CACNA2D4: variants seen among roughly 807,000 people sequenced by gnomAD.
CACNA2D4 encodes the protein calcium voltage-gated channel auxiliary subunit alpha2delta 4.
A neutral mutation model predicts 163.8 loss-of-function variants in CACNA2D4; 157 were observed. The ratio of observed to expected loss-of-function variants is 0.96; its 90% confidence interval spans 0.84 to 1.09. The LOEUF (loss-of-function observed/expected upper bound fraction) is 1.09, where lower values mean the gene tolerates loss of function less well. CACNA2D4 is among the 50% of genes least tolerant of loss of function. The probability of loss-of-function intolerance (pLI) is 0.00; values close to 1 mark genes in which losing one functional copy is unlikely to be tolerated. For synonymous variants in CACNA2D4, 598 were observed against 586.9 expected, an observed-to-expected ratio of 1.02 and a Z score of -0.27; for missense variants, 1,410 against 1,479.9, an observed-to-expected ratio of 0.95 and a Z score of 0.78.
chr12:1,853,548 C>T (rs959006952), intron 23 of CACNA2D4, among the ~76,000 whole-genome samples: 1 of 152,148 alleles, frequency 6.6e-6, no homozygotes, highest in Non-Finnish European at 1.5e-5. Flanking sequence ...CTCACACTCA[C>T]ATGCCACTCA....
intron 5 of CACNA2D4, 130 bp from the exon 6 acceptor site, chr12:1,907,701 G>A: frequency 1.7e-6 from 2 of 1,179,958 alleles, no homozygotes; most frequent in Non-Finnish European, 2.4e-6. Context: ...GGTGTGCCTG[G>A]TGGGCGTGTC....
At chr12:1,795,636 C>T (rs1241121470) in intron 36 of CACNA2D4, 32 bp downstream of exon 36, 6 of 1,450,224 alleles carry the variant, frequency 4.1e-6, no homozygotes, top group Non-Finnish European at 5.8e-6. Flanking sequence ...CCCCCGCCCC[C>T]ACCGCACACA....
In CACNA2D4 at chr12:1,828,039, C is replaced by T. The variant is rs567127134; in HGVS notation, c.2551+12700G>A. 1.9e-4 allele frequency: 204 copies of T among 1,056,408 alleles called. No homozygotes were observed. The highest frequency in any genetic ancestry group is 9.6e-4 in the East Asian group (32 of 33,446). 65.4% of individuals were successfully genotyped at this position (1,056,408 alleles called of 1,614,324 possible). A position where few individuals can be genotyped will look rare whatever the true frequency, so the allele number is the denominator to read the frequency against. On this transcript the variant is annotated intron_variant, in intron 26 of 37. Coordinates refer to ENST00000382722, the MANE Select transcript of CACNA2D4 (RefSeq NM_172364.5). The surrounding 1 kb of genome is among the most constrained non-coding windows in gnomAD (Gnocchi z 4.2). ...AACCCCTGGGCTGGAACGGGGCTCC[C>T]GCGCCTGCCTGTGCTCAGTGCTCCT... is the stretch of plus-strand genomic sequence containing the variant.
At chr12:1,907,308 T>G in intron 6 of CACNA2D4, 132 bp downstream of exon 6, 1 of 746,586 alleles carries the variant, frequency 1.3e-6, no homozygotes, top group Non-Finnish European at 2.2e-6. Context: ...AGTGTGGGCT[T>G]GGAGATGCTT....
intron 4 of CACNA2D4, among the ~76,000 whole-genome samples, chr12:1,909,347 A>T (rs1350861733): frequency 3.3e-5 from 5 of 152,014 alleles, no homozygotes; most frequent in Non-Finnish European, 5.9e-5. Flanking sequence ...GCCTGCCACT[A>T]CGCCCGGCTA....
Position 1,800,063 on chromosome 12 carries a change from C to T in CACNA2D4, c.2922-11G>A, listed in dbSNP as rs770082552. The stretch of plus-strand genomic sequence containing the variant: ...CACTCCAGCAGGAACCTGTCAGACA[C>T]AGGACTGAATCTCGGAGACCTCTGA... On this transcript the variant is annotated splice_polypyrimidine_tract_variant and intron_variant, in intron 32 of 37. Coordinates refer to ENST00000382722, the MANE Select transcript of CACNA2D4 (RefSeq NM_172364.5). 7 of 1,595,878 alleles carry T rather than the reference C, an allele frequency of 4.4e-6. No individual in the cohort carries two copies. Among genetic ancestry groups the T allele is most frequent in the Non-Finnish European group, 5.1e-6 (6 of 1,171,300 alleles).
chr12:1,827,999 C>G, intron 26 of CACNA2D4: 1 of 559,020 alleles, frequency 1.8e-6, no homozygotes, highest in Non-Finnish European at 3.0e-6. Flanking sequence ...AAAGAGACAC[C>G]CGGGCCCTCT....
At chr12:1,812,923 C>G (rs188026321) in intron 26 of CACNA2D4, among the ~76,000 whole-genome samples, 7 of 152,156 alleles carry the variant, frequency 4.6e-5, no homozygotes, top group African/African-American at 1.2e-4. Flanking sequence ...TCTCACTTCT[C>G]GAGTACCCAG....
At chr12:1,805,231 C>G (rs1171019945) in intron 29 of CACNA2D4, among the ~76,000 whole-genome samples, 1 of 152,156 alleles carries the variant, frequency 6.6e-6, no homozygotes, top group African/African-American at 2.4e-5. Flanking sequence ...GGAGGAGGTC[C>G]TGTGAGCACC....
In CACNA2D4 at chr12:1,834,838, C is replaced by T; in HGVS notation, c.2551+5901G>A. On this transcript the variant is annotated intron_variant, in intron 26 of 37. Transcript: ENST00000382722. This position sits in a 1 kb window ranked among gnomAD's most constrained non-coding sequence, Gnocchi z 7.6. ...TGCCTCCCCGAGTCCACCCTCCTCC[C>T]CGCCCTCCAGCAGACAAGCCACACC... The T allele has an allele frequency of 7.0e-7, 1 of 1,433,586 alleles. No individual in the cohort carries two copies. The highest frequency in any genetic ancestry group is 9.1e-7 in the Non-Finnish European group (1 of 1,096,670). The allele number at this position is 1,433,586 out of a possible 1,614,324, so 88.8% of individuals were successfully genotyped here.
Position 1,869,570 on chromosome 12 carries a change from C to T in CACNA2D4, c.1878+5034G>A, listed in dbSNP as rs151030874. 1.1e-3 allele frequency among the ~76,000 whole-genome samples: 165 copies of T among 152,334 alleles called. No homozygotes were observed. The highest frequency in any genetic ancestry group is 3.5e-3 in the African/African-American group (144 of 41,576). ...CTGTTTTTCCTCTTGAGTTCCAGTT[C>T]GTTCTTGCTTTCTTCCACATCTCAT... On this transcript the variant is annotated intron_variant, in intron 18 of 37. Transcript: ENST00000382722. The surrounding 1 kb of genome is among the most constrained non-coding windows in gnomAD (Gnocchi z 4.7).
intron 29 of CACNA2D4, among the ~76,000 whole-genome samples, chr12:1,803,288 C>G (rs1347500402): frequency 6.6e-6 from 1 of 152,192 alleles, no homozygotes; most frequent in Non-Finnish European, 1.5e-5. Flanking sequence ...CCTGAACACC[C>G]AATGAACAAC....
In CACNA2D4 at chr12:1,887,013, C is replaced by T. The variant is rs774106563; in HGVS notation, c.838G>A (p.Gly280Ser). 33 of 1,587,094 alleles carry T rather than the reference C, an allele frequency of 2.1e-5. No individual in the cohort carries two copies. The highest frequency in any genetic ancestry group is 3.3e-4 in the Middle Eastern group (2 of 5,974). The change falls in exon 7 of 38, where the codon GGC becomes AGC. Residue 280 changes from glycine to serine, a missense_variant. Coordinates refer to ENST00000382722, the MANE Select transcript of CACNA2D4 (RefSeq NM_172364.5). Reference sequence around the variant, plus strand: ...CTTTCCCCTGTGAGCTCTTACCAGCCGCGGTTTCGGCAGTCAAAAGTAATG... The same window carrying T: ...CTTTCCCCTGTGAGCTCTTACCAGCTGCGGTTTCGGCAGTCAAAAGTAATG... ...GVITFDCRNR[G>S]WYIQAATSPK...
intron 19 of CACNA2D4, among the ~76,000 whole-genome samples, chr12:1,859,121 C>A (rs950070640): frequency 1.3e-5 from 2 of 152,160 alleles, no homozygotes; most frequent in African/African-American, 4.8e-5. Flanking sequence ...ATGGGCTCTA[C>A]CCCCAGAAAT....
chr12:1,834,618 C>G lies in CACNA2D4; in HGVS notation c.2551+6121G>C, dbSNP rs1864773974. On this transcript the variant is annotated intron_variant, in intron 26 of 37. Coordinates refer to ENST00000382722, the MANE Select transcript of CACNA2D4 (RefSeq NM_172364.5). This position sits in a 1 kb window ranked among gnomAD's most constrained non-coding sequence, Gnocchi z 7.6. ...GCTGCCTATGGCTGCATCTACGCCT[C>G]CCTCATGGCCAAGTACCACCGGGAG... 1 of 1,599,930 alleles carries G rather than the reference C, an allele frequency of 6.3e-7. No individual in the cohort carries two copies. Among genetic ancestry groups the G allele is most frequent in the Non-Finnish European group, 8.5e-7 (1 of 1,179,922 alleles).
intron 30 of CACNA2D4, 70 bp from the exon 31 acceptor site, chr12:1,801,188 T>C: frequency 3.8e-6 from 5 of 1,307,104 alleles, no homozygotes; most frequent in Non-Finnish European, 5.5e-6. Flanking sequence ...TCAGGAGGCT[T>C]TACTAGCAGA....
chr12:1,858,701 C>T, intron 19 of CACNA2D4, 57 bp from the exon 20 acceptor site: 1 of 1,434,876 alleles, frequency 7.0e-7, no homozygotes, highest in Non-Finnish European at 9.6e-7. Flanking sequence ...GGCCTGTCTC[C>T]CGGGCCTCGT....
At position 1,801,101 on chromosome 12, in the gene CACNA2D4, T is replaced by G. The variant is rs374605537; in HGVS notation, c.2810A>C (p.Tyr937Ser). The G allele has an allele frequency of 2.5e-5, 41 of 1,613,680 alleles. No individual in the cohort carries two copies. The African/African-American group carries it at 4.7e-4, about 18-fold the overall frequency. ...ACTCGAGGGTTTGCACATGGCCTGA[T>G]AGTCATACATAGTCACTCTGAAAAT... ...GVFSQVTMYDYQAMCKPSSHH... is the reference protein window; with the variant it reads ...GVFSQVTMYDSQAMCKPSSHH... Residue 937 changes from tyrosine (Y) to serine (S), a missense_variant, in exon 31 of 38, where the codon TAT becomes TCT. Physicochemically the swap from Tyr to Ser is moderately radical, Grantham distance 144 (BLOSUM62 -2). Transcript: ENST00000382722.
chr12:1,858,758 C>G, intron 19 of CACNA2D4, 114 bp from the exon 20 acceptor site: 1 of 690,018 alleles, frequency 1.4e-6, no homozygotes, highest in Non-Finnish European at 2.3e-6. Context: ...GTACCCACGA[C>G]GAGTGGTGTG....
Sources: gnomAD v4.1 joint callset for allele counts (sites outside exome capture counted in the v4.1 genomes callset) on GRCh38, gnomAD v4.1.1 for gene constraint, Gnocchi (gnomAD v3.1) non-coding constraint, MANE v1.5 for transcripts, NCBI Gene and HGNC (gene_info 2026-07-23, HGNC 2026-07-21) for gene names.